RBMS3: variants seen among roughly 807,000 people sequenced by gnomAD.
RBMS3 encodes RNA binding motif single stranded interacting protein 3, also known as RNA-binding motif, single-stranded-interacting protein 3.
A neutral mutation model predicts 66.8 loss-of-function variants in RBMS3; 27 were observed. That is an observed-to-expected ratio of 0.40 (90% CI 0.30 to 0.56). The LOEUF (loss-of-function observed/expected upper bound fraction) is 0.56. RBMS3 is among the 20% of genes least tolerant of loss of function. The probability of loss-of-function intolerance (pLI) is 0.40; values close to 1 mark genes in which losing one functional copy is unlikely to be tolerated. For synonymous variants in RBMS3, 188 were observed against 183.0 expected, an observed-to-expected ratio of 1.03 and a Z score of -0.22; for missense variants, 513 against 549.5, an observed-to-expected ratio of 0.93 and a Z score of 0.66.
intron 1 of RBMS3, among the ~76,000 whole-genome samples, chr3:29,384,318 G>GA (rs1259852052): frequency 5.3e-5 from 8 of 151,476 alleles, no homozygotes; most frequent in Admixed American, 4.6e-4. Flanking sequence ...TCTGTCTCAG[G>GA]AAAAAACAAA....
intron 1 of RBMS3, among the ~76,000 whole-genome samples, chr3:29,317,524 A>G (rs7637602): frequency 0.78 from 118,419 of 151,594 alleles, 46,524 homozygotes; most frequent in East Asian, 0.89. Flanking sequence ...CAAAACACAT[A>G]TAAGCTGTTA....
chr3:29,742,179 G>T (rs768530184), intron 5 of RBMS3, among the ~76,000 whole-genome samples: 9 of 152,106 alleles, frequency 5.9e-5, no homozygotes, highest in Non-Finnish European at 1.3e-4. Flanking sequence ...GAACTATAAT[G>T]CTGGTATATG....
intron 4 of RBMS3, among the ~76,000 whole-genome samples, chr3:29,729,240 T>G (rs1259282655): frequency 7.1e-6 from 1 of 141,000 alleles, no homozygotes; most frequent in Non-Finnish European, 1.5e-5. Flanking sequence ...GAACATGCGG[T>G]GTTTGGTTTT....
In RBMS3 at chr3:29,991,224, T is replaced by A. The variant is rs777586196; in HGVS notation, c.1307+15T>A. ...CAACAGTCTAAGTAAGTCTGGGCTG[T>A]GCTAAGCTCTTTTCCTCAAGATCAG... On this transcript the variant is annotated intron_variant, in intron 14 of 14. Transcript: ENST00000383767. 6.2e-7 allele frequency: 1 copy of A among 1,614,018 alleles called. No homozygotes were observed. The highest frequency in any genetic ancestry group is 1.1e-5 in the South Asian group (1 of 91,026).
chr3:29,496,787 T>C (rs764405476), intron 3 of RBMS3, among the ~76,000 whole-genome samples: 14 of 152,258 alleles, frequency 9.2e-5, no homozygotes, highest in Non-Finnish European at 1.2e-4. Flanking sequence ...TTGGAAGTCA[T>C]ACAGCTACAC....
intron 1 of RBMS3, among the ~76,000 whole-genome samples, chr3:29,297,876 A>C (rs1030491763): frequency 6.6e-6 from 1 of 151,900 alleles, no homozygotes; most frequent in African/African-American, 2.4e-5. Flanking sequence ...TGAGGCCAGC[A>C]CTGGCTTTGG....
intron 1 of RBMS3, among the ~76,000 whole-genome samples, chr3:29,285,463 T>C (rs1187817727): frequency 6.6e-6 from 1 of 152,094 alleles, no homozygotes; most frequent in Non-Finnish European, 1.5e-5. Context: ...AGTTTCTCCT[T>C]TCTTCCTTTT....
intron 4 of RBMS3, among the ~76,000 whole-genome samples, chr3:29,613,217 G>A (rs73831621): frequency 0.019 from 2,875 of 152,168 alleles, 75 homozygotes; most frequent in African/African-American, 0.057. Flanking sequence ...TGAGATTGCC[G>A]GATCATATGT....
intron 4 of RBMS3, among the ~76,000 whole-genome samples, chr3:29,608,003 G>A (rs1412809212): frequency 6.6e-6 from 1 of 151,888 alleles, no homozygotes; most frequent in African/African-American, 2.4e-5. Context: ...TACATGGTAC[G>A]AGAAATCTCA....
intron 4 of RBMS3, among the ~76,000 whole-genome samples, chr3:29,639,445 A>C (rs1396488255): frequency 6.6e-6 from 1 of 151,880 alleles, no homozygotes; most frequent in Non-Finnish European, 1.5e-5. Context: ...CTTTGGAAAC[A>C]TCACACTAAT....
At chr3:29,527,187 A>ATT (rs2045157043) in intron 3 of RBMS3, among the ~76,000 whole-genome samples, 2 of 68,414 alleles carry the variant, frequency 2.9e-5, no homozygotes, top group African/African-American at 1.1e-4. Flanking sequence ...AGAGTAAAAA[A>ATT]AAAAAAAAAA....
intron 3 of RBMS3, among the ~76,000 whole-genome samples, chr3:29,580,853 T>C (rs1190220572): frequency 1.3e-5 from 2 of 152,156 alleles, no homozygotes; most frequent in African/African-American, 4.8e-5. Context: ...GGGACTCCAG[T>C]GGAGCAACCT....
At chr3:29,605,144 C>G (rs1377034698) in intron 4 of RBMS3, among the ~76,000 whole-genome samples, 1 of 151,572 alleles carries the variant, frequency 6.6e-6, no homozygotes, top group Non-Finnish European at 1.5e-5. Flanking sequence ...GTTTATCCTC[C>G]TTTGCTTTTC....
At chr3:29,944,359 T>C (rs1577215574) in intron 12 of RBMS3, 105 bp downstream of exon 12, 2 of 957,358 alleles carry the variant, frequency 2.1e-6, no homozygotes, top group Admixed American at 4.0e-5. Context: ...CAGAGGTGGG[T>C]GCAGGAAATT....
At position 30,009,266 on chromosome 3, in the gene RBMS3, G is replaced by C. The variant is rs1053048673; in HGVS notation, c.*5404G>C. 1 of 152,166 alleles carries C rather than the reference G, an allele frequency of 6.6e-6. No individual in the cohort carries two copies. Among genetic ancestry groups the C allele is most frequent in the East Asian group, 1.9e-4 (1 of 5,188 alleles). 9.4% of individuals were successfully genotyped at this position (152,166 alleles called of 1,614,324 possible). On this transcript the variant is annotated 3_prime_UTR_variant, in exon 15 of 15. Transcript: ENST00000383767. ...GTGTGTTTTGTTTTTTCTTTTCAGC[G>C]TGTAGGGCTTGGGCTCTGTTTCCTT...
intron 4 of RBMS3, among the ~76,000 whole-genome samples, chr3:29,628,991 C>T (rs915693017): frequency 6.6e-6 from 1 of 151,990 alleles, no homozygotes; most frequent in Admixed American, 6.6e-5. Flanking sequence ...GATGCTCTAC[C>T]GATGTCTCTG....
intron 1 of RBMS3, among the ~76,000 whole-genome samples, chr3:29,395,360 A>T (rs7614133): frequency 1.3e-5 from 2 of 152,058 alleles, no homozygotes; most frequent in Non-Finnish European, 2.9e-5. Context: ...GTAAAACGGC[A>T]TGTAGGGTAT....
intron 1 of RBMS3, among the ~76,000 whole-genome samples, chr3:29,394,354 T>A (rs2039449008): frequency 6.6e-6 from 1 of 152,206 alleles, no homozygotes. Context: ...CTGTTCCTTT[T>A]CAGGGTGCCC....
At chr3:29,370,619 A>G (rs1359223663) in intron 1 of RBMS3, among the ~76,000 whole-genome samples, 1 of 152,214 alleles carries the variant, frequency 6.6e-6, no homozygotes, top group Admixed American at 6.5e-5. Context: ...AGGAATAATT[A>G]AAAGCTTCTT....
Sources: allele counts gnomAD v4.1 joint callset (sites outside exome capture counted in the v4.1 genomes callset), GRCh38; gene constraint gnomAD v4.1.1; transcripts MANE v1.5; gene names NCBI Gene and HGNC (gene_info 2026-07-23, HGNC 2026-07-21).